The following PLCXD2 variants were observed in gnomAD, a reference collection of about 807,000 sequenced individuals.
PLCXD2 encodes phosphatidylinositol specific phospholipase C X domain containing 2.
Under a neutral mutation model 28.6 loss-of-function variants are expected in PLCXD2, and 21 were observed. The ratio of observed to expected loss-of-function variants is 0.73; its 90% CI spans 0.52 to 1.06. PLCXD2 has a LOEUF of 1.06. Among genes scored for constraint, PLCXD2 ranks in the 50% least tolerant of loss-of-function variants. PLCXD2 has a pLI of 0.00. For missense variants in PLCXD2, 369 were observed against 376.7 expected (o/e 0.98, Z 0.17); for synonymous variants, 140 against 150.1 (o/e 0.93, Z 0.49).
At chr3:111,705,877 C>T (rs1045272573) in intron 1 of PLCXD2, among the ~76,000 whole-genome samples, 5 of 148,966 alleles carry the variant, frequency 3.4e-5, no homozygotes, top group African/African-American at 1.2e-4. Context: ...CTTAAAAAGA[C>T]AGGGTCTTAC....
At position 111,708,005 on chromosome 3, in the gene PLCXD2, C is replaced by A. The variant is rs143931101; in HGVS notation, c.243C>A (p.Leu81=). The change falls in exon 2 of 5, where the codon CTC becomes CTA. Residue 81 remains leucine, a synonymous_variant. Transcript: ENST00000477665. The stretch of plus-strand genomic sequence containing the variant: ...ACCAAACCCAAGCTATCAAACGCCT[C>A]GCCAGGATCTCCTTGGTGAAGAAGC... The A allele has an allele frequency of 1.2e-5, 19 of 1,614,162 alleles. 1 individual carries two copies.
intron 1 of PLCXD2, 79 bp downstream of exon 1, chr3:111,675,487 TA>T: frequency 6.5e-7 from 1 of 1,527,470 alleles, no homozygotes; most frequent in East Asian, 2.2e-5. Flanking sequence ...GTTGCTTTTC[TA>T]TTGTGCTGAG....
chr3:111,714,101 G>C lies in PLCXD2; in HGVS notation c.839G>C (p.Gly280Ala). ...AAGACCATTGCCCGGGGCTTGGTTG[G>C]GGGCCTCAAGAACACGCTGGTTCAT... is the stretch of plus-strand genomic sequence containing the variant. The change falls in exon 3 of 5, where the codon GGG becomes GCG. Residue 280 changes from glycine to alanine, a missense_variant. Physicochemically the swap from Gly to Ala is moderately conservative, Grantham distance 60 (BLOSUM62 0). Transcript: ENST00000477665. 6.2e-7 allele frequency: 1 copy of C among 1,614,094 alleles called. No homozygotes were observed. The highest frequency in any genetic ancestry group is 8.5e-7 in the Non-Finnish European group (1 of 1,180,028).
At chr3:111,686,633 C>T (rs1940799398) in intron 1 of PLCXD2, among the ~76,000 whole-genome samples, 1 of 152,188 alleles carries the variant, frequency 6.6e-6, no homozygotes. Flanking sequence ...AAAGATGCCT[C>T]AGCCTTTCTC....
chr3:111,688,762 AC>A (rs2107845037), intron 1 of PLCXD2, among the ~76,000 whole-genome samples: 1 of 152,332 alleles, frequency 6.6e-6, no homozygotes, highest in South Asian at 2.1e-4. Context: ...ATTTTTTACT[AC>A]ACAACAAAGT....
At chr3:111,713,207 G>C (rs939414930) in intron 2 of PLCXD2, among the ~76,000 whole-genome samples, 1 of 152,212 alleles carries the variant, frequency 6.6e-6, no homozygotes, top group Admixed American at 6.5e-5. Context: ...TCAGCCTGAG[G>C]TCCAAAGCTT....
intron 2 of PLCXD2, among the ~76,000 whole-genome samples, chr3:111,713,035 C>T (rs1363482360): frequency 6.6e-6 from 1 of 152,240 alleles, no homozygotes; most frequent in Non-Finnish European, 1.5e-5. Context: ...ACTCCCCACT[C>T]TCCTGGGAAG....
chr3:111,685,859 G>GA (rs979834404), intron 1 of PLCXD2, among the ~76,000 whole-genome samples: 4 of 152,178 alleles, frequency 2.6e-5, no homozygotes, highest in African/African-American at 7.2e-5. Flanking sequence ...TTGAAGAAGA[G>GA]AAAATCTTTC....
At chr3:111,720,679 T>G (rs1941334632) in intron 3 of PLCXD2, 44 bp from the exon 4 acceptor site, 1 of 416,624 alleles carries the variant, frequency 2.4e-6, no homozygotes, top group African/African-American at 2.1e-5. Flanking sequence ...CCCTCTAAGC[T>G]GTACTGTATC....
At chr3:111,687,574 CT>C (rs1196269831) in intron 1 of PLCXD2, among the ~76,000 whole-genome samples, 2 of 152,020 alleles carry the variant, frequency 1.3e-5, no homozygotes, top group Non-Finnish European at 2.9e-5. Context: ...GATTAAATAC[CT>C]GAATTGGAAT....
chr3:111,716,650 A>G (rs1245886542), intron 3 of PLCXD2, among the ~76,000 whole-genome samples: 1 of 152,140 alleles, frequency 6.6e-6, no homozygotes, highest in East Asian at 1.9e-4. Flanking sequence ...CATGGACTGA[A>G]ATCAGAAGGC....
intron 3 of PLCXD2, among the ~76,000 whole-genome samples, chr3:111,718,344 A>G (rs914541705): frequency 2.6e-5 from 4 of 152,122 alleles, no homozygotes; most frequent in Non-Finnish European, 5.9e-5. Context: ...GGGCGCCTGT[A>G]GTCCCAGCTA....
At chr3:111,700,910 C>T (rs1559794934) in intron 1 of PLCXD2, among the ~76,000 whole-genome samples, 28 of 151,956 alleles carry the variant, frequency 1.8e-4, no homozygotes. Context: ...AACTTGTGAT[C>T]AAAAAGTCAG....
intron 1 of PLCXD2, among the ~76,000 whole-genome samples, chr3:111,702,843 G>C (rs1161109826): frequency 1.3e-5 from 2 of 152,092 alleles, no homozygotes; most frequent in Non-Finnish European, 2.9e-5. Context: ...GAGTTGTAGG[G>C]GAGTAATAAG....
At chr3:111,715,386 G>T (rs1941254678) in intron 3 of PLCXD2, among the ~76,000 whole-genome samples, 1 of 152,110 alleles carries the variant, frequency 6.6e-6, no homozygotes, top group Non-Finnish European at 1.5e-5. Flanking sequence ...CCTAGGAAGA[G>T]CTAGGTACAA....
chr3:111,685,128 T>G (rs1191605759), intron 1 of PLCXD2, among the ~76,000 whole-genome samples: 1 of 152,164 alleles, frequency 6.6e-6, no homozygotes, highest in Non-Finnish European at 1.5e-5. Context: ...GGAGATGGTT[T>G]CAGAGCTAAA....
chr3:111,682,450 G>C (rs1343256947), intron 1 of PLCXD2, among the ~76,000 whole-genome samples: 1 of 152,200 alleles, frequency 6.6e-6, no homozygotes, highest in African/African-American at 2.4e-5. Context: ...ACTGTCAGCT[G>C]TAAAGTATCA....
At chr3:111,698,792 G>T (rs1445212848) in intron 1 of PLCXD2, among the ~76,000 whole-genome samples, 13 of 152,046 alleles carry the variant, frequency 8.6e-5, no homozygotes, top group Non-Finnish European at 1.9e-4. Flanking sequence ...CTAGGGTGGT[G>T]GTCTGTCTCA....
chr3:111,710,039 G>A (rs1274119176), intron 2 of PLCXD2, among the ~76,000 whole-genome samples: 1 of 152,166 alleles, frequency 6.6e-6, no homozygotes, highest in Non-Finnish European at 1.5e-5. Context: ...GTTTCCTAAT[G>A]GATATGATTT....
Sources: gnomAD v4.1 joint callset for allele counts (sites outside exome capture counted in the v4.1 genomes callset) on GRCh38, gnomAD v4.1.1 for gene constraint, MANE v1.5 for transcripts, NCBI Gene and HGNC (gene_info 2026-07-23, HGNC 2026-07-21) for gene names.